The following PEBP4 variants were observed in gnomAD, a reference collection of about 807,000 sequenced individuals.
PEBP4 encodes phosphatidylethanolamine binding protein 4, also known as phosphatidylethanolamine-binding protein 4.
Under a neutral mutation model 23.9 loss-of-function variants are expected in PEBP4, and 22 were observed. The observed-to-expected ratio is 0.92, with a 90% CI of 0.66 to 1.31. The LOEUF is 1.31. PEBP4 is among the 40% of genes most tolerant of loss of function. PEBP4 has a pLI of 0.00. For synonymous variants in PEBP4, 112 were observed against 99.3 expected, an observed-to-expected ratio of 1.13 and a Z score of -0.76; for missense variants, 324 against 281.7, an observed-to-expected ratio of 1.15 and a Z score of -1.07.
chr8:22,749,805 C>CTTTTTTTTTATTTTTTTT (rs1805209726), intron 4 of PEBP4, among the ~76,000 whole-genome samples: 1 of 83,762 alleles, frequency 1.2e-5, no homozygotes, highest in Non-Finnish European at 2.4e-5. Flanking sequence ...GTTTGTCATT[C>CTTTTTTTTTATTTTTTTT]TTTTTTTTTT....
intron 3 of PEBP4, among the ~76,000 whole-genome samples, chr8:22,896,673 G>A (rs566587082): frequency 6.6e-5 from 10 of 152,092 alleles, no homozygotes; most frequent in African/African-American, 2.2e-4. Flanking sequence ...CCCATGCCTC[G>A]TTCAGCCCTT....
chr8:22,863,670 C>G (rs181826877), intron 3 of PEBP4, among the ~76,000 whole-genome samples: 1 of 152,124 alleles, frequency 6.6e-6, no homozygotes, highest in Non-Finnish European at 1.5e-5. Context: ...CTCAGACAGG[C>G]GCTGTGTGCG....
At chr8:22,832,930 C>G (rs1807117041) in intron 3 of PEBP4, among the ~76,000 whole-genome samples, 1 of 152,080 alleles carries the variant, frequency 6.6e-6, no homozygotes, top group South Asian at 2.1e-4. Context: ...GTCCCTAGTC[C>G]CAATCATTTG....
intron 4 of PEBP4, among the ~76,000 whole-genome samples, chr8:22,734,539 G>C (rs2128749720): frequency 6.6e-6 from 1 of 152,280 alleles, no homozygotes; most frequent in Non-Finnish European, 1.5e-5. Context: ...GGACAGCTTG[G>C]TGAATATCAT....
intron 3 of PEBP4, among the ~76,000 whole-genome samples, chr8:22,818,903 G>A (rs1343483573): frequency 1.3e-5 from 2 of 152,126 alleles, no homozygotes; most frequent in Non-Finnish European, 2.9e-5. Flanking sequence ...GAGAAATTGA[G>A]GATGAATCCT....
chr8:22,715,052 A>G (rs1804384032), intron 6 of PEBP4, among the ~76,000 whole-genome samples: 1 of 152,238 alleles, frequency 6.6e-6, no homozygotes, highest in Admixed American at 6.5e-5. Flanking sequence ...CTGAGGCACA[A>G]GCTGGGGTAC....
chr8:22,750,314 C>A (rs557440228), intron 4 of PEBP4, among the ~76,000 whole-genome samples: 2 of 151,262 alleles, frequency 1.3e-5, no homozygotes, highest in East Asian at 2.0e-4. Context: ...TTTGGTCAGG[C>A]TGGTCTCAAA....
In PEBP4 at chr8:22,727,176, T is replaced by C. The variant is rs1338638782; in HGVS notation, c.402A>G (p.Ser134=). 6.2e-7 allele frequency: 1 copy of C among 1,613,846 alleles called. No individual in the cohort carries two copies. Among genetic ancestry groups the C allele is most frequent in the African/African-American group, 1.3e-5 (1 of 74,886 alleles). ...KKGKIQGQEL[S]AYQAPSPPAH... is the part of the protein sequence containing the mutation. ...AGGGGTCCCTAGGGTCTTACTCACC[T>C]GATAACTCCTGGCCCTGAATCTTCC... Residue 134 remains serine, a splice_region_variant and synonymous_variant, in exon 5 of 7, where the codon TCA becomes TCG. Coordinates refer to ENST00000256404, the MANE Select transcript of PEBP4 (RefSeq NM_144962.3).
chr8:22,864,996 C>G (rs1807856169), intron 3 of PEBP4, among the ~76,000 whole-genome samples: 1 of 151,948 alleles, frequency 6.6e-6, no homozygotes. Flanking sequence ...GCGGGCAGCA[C>G]GAGGGGGCAG....
At chr8:22,939,715 T>TC (rs1019335581) in intron 1 of PEBP4, among the ~76,000 whole-genome samples, 1 of 151,878 alleles carries the variant, frequency 6.6e-6, no homozygotes, top group Non-Finnish European at 1.5e-5. Flanking sequence ...GGCTGGATTT[T>TC]CCCAACAATT....
intron 3 of PEBP4, among the ~76,000 whole-genome samples, chr8:22,866,001 A>G (rs967139968): frequency 5.3e-5 from 8 of 151,776 alleles, no homozygotes; most frequent in Non-Finnish European, 1.0e-4. Context: ...CGCTGCGCCC[A>G]CTCTGCTCTC....
At chr8:22,722,480 C>G (rs1366193103) in intron 6 of PEBP4, among the ~76,000 whole-genome samples, 9 of 152,216 alleles carry the variant, frequency 5.9e-5, no homozygotes, top group Admixed American at 5.9e-4. Flanking sequence ...GGAGAGAGCA[C>G]AGTGTTCTGG....
At chr8:22,907,535 AAGAG>A (rs1011796572) in intron 3 of PEBP4, among the ~76,000 whole-genome samples, 4 of 151,680 alleles carry the variant, frequency 2.6e-5, no homozygotes, top group African/African-American at 4.8e-5. Context: ...AAGAGAGAAA[AAGAG>A]AGAGAGAGAG....
chr8:22,862,718 T>A (rs1196510366), intron 3 of PEBP4, among the ~76,000 whole-genome samples: 1 of 151,904 alleles, frequency 6.6e-6, no homozygotes, highest in African/African-American at 2.4e-5. Context: ...AATAAGTAAG[T>A]CACAACCTCC....
intron 3 of PEBP4, among the ~76,000 whole-genome samples, chr8:22,829,852 G>C (rs1055676722): frequency 3.9e-5 from 6 of 152,224 alleles, no homozygotes; most frequent in South Asian, 2.1e-4. Context: ...CCCTCAGCCT[G>C]TTTCCTTACT....
At chr8:22,906,411 T>A (rs1563256472) in intron 3 of PEBP4, among the ~76,000 whole-genome samples, 3 of 152,222 alleles carry the variant, frequency 2.0e-5, no homozygotes, top group Non-Finnish European at 4.4e-5. Flanking sequence ...ACTATCTGCA[T>A]AGCCATGTGT....
At chr8:22,935,765 G>A (rs1179010936) in intron 1 of PEBP4, among the ~76,000 whole-genome samples, 1 of 151,960 alleles carries the variant, frequency 6.6e-6, no homozygotes, top group Non-Finnish European at 1.5e-5. Flanking sequence ...TTTAGACTTA[G>A]GTCCCATCTC....
At chr8:22,810,874 T>G (rs1806609920) in intron 4 of PEBP4, among the ~76,000 whole-genome samples, 1 of 110,142 alleles carries the variant, frequency 9.1e-6, no homozygotes, top group Admixed American at 9.2e-5. Context: ...AATCTCAGAG[T>G]GCTGAGAGAG....
intron 3 of PEBP4, among the ~76,000 whole-genome samples, chr8:22,826,272 C>A (rs928686306): frequency 2.0e-5 from 3 of 152,208 alleles, no homozygotes; most frequent in African/African-American, 7.2e-5. Context: ...AAAGACACTG[C>A]ACATCTTGAA....
Sources: allele counts gnomAD v4.1 joint callset (sites outside exome capture counted in the v4.1 genomes callset), GRCh38; gene constraint gnomAD v4.1.1; transcripts MANE v1.5; gene names NCBI Gene and HGNC (gene_info 2026-07-23, HGNC 2026-07-21).